Variants in C5AR1 observed in about 807,000 individuals in gnomAD.
C5AR1 encodes complement C5a receptor 1.
In C5AR1, 4 loss-of-function variants were observed where a neutral mutation model predicts 2.4. The ratio of observed to expected loss-of-function variants is 1.65; its 90% CI spans 0.81 to 3.77. The LOEUF (loss-of-function observed/expected upper bound fraction) is 3.77. Ranked by LOEUF, C5AR1 falls within the 30% of genes most tolerant of loss-of-function variation. C5AR1 has a pLI of 0.01. For missense variants in C5AR1, 418 were observed against 462.5 expected, an observed-to-expected ratio of 0.90 and a Z score of 0.88; for synonymous variants, 209 against 210.4, an observed-to-expected ratio of 0.99 and a Z score of 0.06.
Position 47,320,322 on chromosome 19 carries a change from T to G in C5AR1, c.545T>G (p.Phe182Cys). 2 of 1,610,356 alleles carry G rather than the reference T, an allele frequency of 1.2e-6. No individual in the cohort carries two copies. Among genetic ancestry groups the G allele is most frequent in the Non-Finnish European group, 1.7e-6 (2 of 1,180,010 alleles). ...FLYRVVREEY[F>C]PPKVLCGVDY... ...TACCGGGTGGTCCGGGAGGAGTACT[T>G]TCCACCAAAGGTGTTGTGTGGCGTG... The change falls in exon 2 of 2, where the codon TTT becomes TGT. Residue 182 changes from phenylalanine (F) to cysteine (C), a missense_variant. By Grantham distance (205) the Phe-to-Cys change is radical (BLOSUM62 -2). Transcript: ENST00000355085. The surrounding 1 kb of genome is among the most constrained non-coding windows in gnomAD (Gnocchi z 4.9).
At position 47,320,608 on chromosome 19, in the gene C5AR1, G is replaced by A. The variant is rs537435609; in HGVS notation, c.831G>A (p.Leu277=). ...AGCCATCGTCACCCACCTTCCTGCTGCTGAAGAAGCTGGACTCCCTGTGTG... is the reference window on the plus strand; with the variant it reads ...AGCCATCGTCACCCACCTTCCTGCTACTGAAGAAGCTGGACTCCCTGTGTG... ...FLEPSSPTFL[L]LKKLDSLCVS... Residue 277 remains leucine (L), a synonymous_variant, in exon 2 of 2, where the codon CTG becomes CTA. Transcript: ENST00000355085. The surrounding 1 kb of genome is among the most constrained non-coding windows in gnomAD (Gnocchi z 4.9). 5.0e-6 allele frequency: 8 copies of A among 1,614,028 alleles called. No individual in the cohort carries two copies. The African/African-American group carries it at 9.3e-5, about 19-fold the overall frequency.
Position 47,319,822 on chromosome 19 carries a change from T to G in C5AR1, c.45T>G (p.Asp15Glu), listed in dbSNP as rs1313927555. 5 of 1,613,734 alleles carry G rather than the reference T, an allele frequency of 3.1e-6. No homozygotes were observed. The highest frequency in any genetic ancestry group is 2.5e-6 in the Non-Finnish European group (3 of 1,179,676). ...NYTTPDYGHYDDKDTLDLNTP... is the reference protein window; with the variant it reads ...NYTTPDYGHYEDKDTLDLNTP... ...CCACCCCTGATTATGGGCACTATGA[T>G]GACAAGGATACCCTGGACCTCAACA... The change falls in exon 2 of 2, where the codon GAT becomes GAG. Residue 15 changes from aspartate to glutamate, a missense_variant. Transcript: ENST00000355085.
rs866669631 is a variant in C5AR1, at chr19:47,311,754, C to T, written c.3+1856C>T. Among the ~76,000 whole-genome samples, 18 of 152,014 alleles carry T rather than the reference C, an allele frequency of 1.2e-4. 1 individual carries two copies. Among genetic ancestry groups the T allele is most frequent in the South Asian group, 4.2e-4 (2 of 4,814 alleles). ...TAATTTTTTGTCTTTTTAGTAGAGA[C>T]GGAGTTTCACCATGTTGGCCAGGCT... On this transcript the variant is annotated intron_variant, in intron 1 of 1. Coordinates refer to ENST00000355085, the MANE Select transcript of C5AR1 (RefSeq NM_001736.4).
chr19:47,308,591 G>A (rs539714864), upstream of C5AR1, among the ~76,000 whole-genome samples: 1 of 141,270 alleles, frequency 7.1e-6, no homozygotes, highest in Non-Finnish European at 1.5e-5. Context: ...TCTTGGTGTT[G>A]TCAGCCTGGG....
intron 1 of C5AR1, among the ~76,000 whole-genome samples, chr19:47,318,586 A>G (rs951504037): frequency 1.3e-5 from 2 of 152,020 alleles, no homozygotes; most frequent in Admixed American, 6.6e-5. Context: ...GCACCACCAC[A>G]CCTGGCCTGA....
chr19:47,318,758 A>G (rs1213579606), intron 1 of C5AR1, among the ~76,000 whole-genome samples: 3 of 152,042 alleles, frequency 2.0e-5, no homozygotes, highest in African/African-American at 7.2e-5. Flanking sequence ...GCCTCTGGAC[A>G]CAGATTTCAC....
chr19:47,320,618 C>G lies in C5AR1; in HGVS notation c.841C>G (p.Leu281Val), dbSNP rs765795008. ...ACCCACCTTCCTGCTGCTGAAGAAGCTGGACTCCCTGTGTGTCTCCTTTGC... is the reference window on the plus strand; with the variant it reads ...ACCCACCTTCCTGCTGCTGAAGAAGGTGGACTCCCTGTGTGTCTCCTTTGC... ...SSPTFLLLKK[L>V]DSLCVSFAYI... The change falls in exon 2 of 2, where the codon CTG becomes GTG. Residue 281 changes from leucine to valine, a missense_variant. By Grantham distance (32) the Leu-to-Val change is conservative. Transcript: ENST00000355085. This position sits in a 1 kb window ranked among gnomAD's most constrained non-coding sequence, Gnocchi z 4.9. 5 of 1,614,080 alleles carry G rather than the reference C, an allele frequency of 3.1e-6. No individual in the cohort carries two copies. Among genetic ancestry groups the G allele is most frequent in the Non-Finnish European group, 4.2e-6 (5 of 1,179,980 alleles).
At chr19:47,317,718 C>T (rs576071754) in intron 1 of C5AR1, among the ~76,000 whole-genome samples, 47 of 151,850 alleles carry the variant, frequency 3.1e-4, no homozygotes, top group Non-Finnish European at 4.3e-4. Context: ...TGTGGTGGCT[C>T]ATGCCTGTAA....
chr19:47,317,998 T>C (rs1317288986), intron 1 of C5AR1, among the ~76,000 whole-genome samples: 1 of 148,640 alleles, frequency 6.7e-6, no homozygotes, highest in Non-Finnish European at 1.5e-5. Flanking sequence ...AAAAAAAATG[T>C]ACAAAACTCC....
Position 47,320,160 on chromosome 19 carries a change from C to A in C5AR1, c.383C>A (p.Ala128Asp). The change falls in exon 2 of 2, where the codon GCC becomes GAC. Residue 128 changes from alanine (A) to aspartate (D), a missense_variant. By Grantham distance (126) the Ala-to-Asp change is moderately radical (BLOSUM62 -2). Transcript: ENST00000355085. This position sits in a 1 kb window ranked among gnomAD's most constrained non-coding sequence, Gnocchi z 4.9. Reference sequence around the variant, plus strand: ...ATGTACGCCAGCATCCTGCTCCTGGCCACCATCAGCGCCGACCGCTTTCTG... The same window carrying A: ...ATGTACGCCAGCATCCTGCTCCTGGACACCATCAGCGCCGACCGCTTTCTG... ...LNMYASILLL[A>D]TISADRFLLV... The A allele has an allele frequency of 6.2e-7, 1 of 1,614,204 alleles. No homozygotes were observed.
chr19:47,318,259 C>T (rs1209022885), intron 1 of C5AR1, among the ~76,000 whole-genome samples: 7 of 151,794 alleles, frequency 4.6e-5, no homozygotes, highest in African/African-American at 2.4e-5. Flanking sequence ...TCTGGTGCCT[C>T]GTGCTTCTTC....
At position 47,314,906 on chromosome 19, in the gene C5AR1, C is replaced by T. The variant is rs192817386; in HGVS notation, c.4-4875C>T. The stretch of plus-strand genomic sequence containing the variant: ...ACGGGGTTTCACTATGTTGGCCAGT[C>T]TGGGCTTGAACTCCTGACTTCAAGT... On this transcript the variant is annotated intron_variant, in intron 1 of 1. Transcript: ENST00000355085. Among the ~76,000 whole-genome samples the T allele has an allele frequency of 2.6e-5, 4 of 152,200 alleles. No homozygotes were observed. The East Asian group carries it at 7.8e-4, about 29-fold the overall frequency.
chr19:47,308,499 A>G (rs985493827), upstream of C5AR1, among the ~76,000 whole-genome samples: 3 of 150,476 alleles, frequency 2.0e-5, no homozygotes, highest in African/African-American at 7.3e-5. Context: ...TCCATTTTCT[A>G]TTGCCAACTT....
intron 1 of C5AR1, among the ~76,000 whole-genome samples, chr19:47,313,273 G>A (rs2059276414): frequency 2.0e-5 from 3 of 152,050 alleles, no homozygotes; most frequent in Non-Finnish European, 2.9e-5. Context: ...ACCGCGCCTG[G>A]CGTCCAGCCA....
At chr19:47,309,947 C>T in intron 1 of C5AR1, 49 bp downstream of exon 1, 2 of 1,600,476 alleles carry the variant, frequency 1.2e-6, no homozygotes, top group Non-Finnish European at 1.7e-6. Flanking sequence ...CTGGGTCCCT[C>T]CCATCTTTGC....
chr19:47,312,871 G>A (rs1297172626), intron 1 of C5AR1, among the ~76,000 whole-genome samples: 1 of 152,046 alleles, frequency 6.6e-6, no homozygotes. Context: ...GTCTTGCTAT[G>A]TTGCCCAGCC....
chr19:47,308,241 T>C (rs773486388), upstream of C5AR1, among the ~76,000 whole-genome samples: 2 of 138,860 alleles, frequency 1.4e-5, no homozygotes, highest in Non-Finnish European at 3.1e-5. Flanking sequence ...AAAAAGAGCA[T>C]GAACCCTGTT....
upstream of C5AR1, among the ~76,000 whole-genome samples, chr19:47,308,671 T>C (rs1169741786): frequency 6.6e-6 from 1 of 151,962 alleles, no homozygotes; most frequent in Non-Finnish European, 1.5e-5. Context: ...TTCTCCTGCC[T>C]CAGCCTTCTG....
Position 47,321,373 on chromosome 19 carries a change from C to T in C5AR1, c.*543C>T, listed in dbSNP as rs199759415. 5.3e-5 allele frequency: 8 copies of T among 152,232 alleles called. No homozygotes were observed. Among genetic ancestry groups the T allele is most frequent in the Admixed American group, 2.6e-4 (4 of 15,248 alleles). 9.4% of individuals were successfully genotyped at this position (152,232 alleles called of 1,614,324 possible). A position where few individuals can be genotyped will look rare whatever the true frequency, so the allele number is the denominator to read the frequency against. The stretch of plus-strand genomic sequence containing the variant: ...CCTGTAATCCCAGAACTTTGGGAGG[C>T]TAAGGTGGGTGGATCACCTGAGGTC... On this transcript the variant is annotated 3_prime_UTR_variant, in exon 2 of 2. Coordinates refer to ENST00000355085, the MANE Select transcript of C5AR1 (RefSeq NM_001736.4).
Sources: allele counts gnomAD v4.1 joint callset (sites outside exome capture counted in the v4.1 genomes callset), GRCh38; gene constraint gnomAD v4.1.1; non-coding constraint Gnocchi (gnomAD v3.1); transcripts MANE v1.5; gene names NCBI Gene and HGNC (gene_info 2026-07-23, HGNC 2026-07-21).